The following KDM1B variants were observed in gnomAD, a reference collection of about 807,000 sequenced individuals.
The protein encoded by KDM1B is lysine-specific histone demethylase 2.
Under a neutral mutation model 107.4 loss-of-function variants are expected in KDM1B, and 63 were observed. That is an observed-to-expected ratio of 0.59 (90% confidence interval 0.48 to 0.72). KDM1B has a LOEUF of 0.72. KDM1B is among the 30% of genes least tolerant of loss of function. The pLI is 0.00. For missense variants in KDM1B, 749 were observed against 1,020.8 expected, an observed-to-expected ratio of 0.73 and a Z score of 3.63; for synonymous variants, 363 against 363.9, an observed-to-expected ratio of 1.00 and a Z score of 0.03.
intron 10 of KDM1B, among the ~76,000 whole-genome samples, chr6:18,193,876 C>CTT (rs1233091815): frequency 2.8e-5 from 4 of 140,748 alleles, no homozygotes; most frequent in East Asian, 2.1e-4. Context: ...AAGACAGTGT[C>CTT]TTTTTTTTTT....
intron 7 of KDM1B, among the ~76,000 whole-genome samples, chr6:18,184,744 T>A (rs1786731214): frequency 1.6e-5 from 2 of 128,154 alleles, no homozygotes; most frequent in Admixed American, 1.6e-4. Context: ...TCCTTTTTTT[T>A]TTTTTTTTTT....
chr6:18,180,650 C>T (rs1171782269), intron 7 of KDM1B, among the ~76,000 whole-genome samples: 1 of 152,192 alleles, frequency 6.6e-6, no homozygotes, highest in African/African-American at 2.4e-5. Context: ...ACTCCAGCCT[C>T]TGCCTCCCAG....
intron 21 of KDM1B, 58 bp from the exon 22 acceptor site, chr6:18,221,851 C>G (rs956269944): frequency 7.4e-7 from 1 of 1,357,500 alleles, no homozygotes; most frequent in Non-Finnish European, 1.0e-6. Flanking sequence ...CTTGTTTTAC[C>G]TTTTGATATC....
rs1252430727 is a variant in KDM1B at position 18,207,512 on chromosome 6, A to G, written c.1774A>G (p.Ile592Val). 1.2e-6 allele frequency: 2 copies of G among 1,614,204 alleles called. No individual in the cohort carries two copies. Among genetic ancestry groups the G allele is most frequent in the Admixed American group, 3.3e-5 (2 of 60,030 alleles). ...IIEKLAEGLD[I>V]QLKSPVQCID... Reference sequence around the variant, plus strand: ...TGAAAAACTGGCAGAAGGGCTTGACATTCAACTCAAATCTCCAGTGAGTAT... The same window carrying G: ...TGAAAAACTGGCAGAAGGGCTTGACGTTCAACTCAAATCTCCAGTGAGTAT... The change falls in exon 16 of 22, where the codon ATT becomes GTT. Residue 592 changes from isoleucine (I) to valine (V), a missense_variant. Transcript: ENST00000650836.
rs1262932922 is a variant in KDM1B, at chr6:18,213,657, T to C, written c.1985T>C (p.Ile662Thr). The change falls in exon 19 of 22, where the codon ATT (isoleucine) becomes ACT (threonine). Residue 662 changes from isoleucine (I) to threonine (T), a missense_variant and splice_region_variant. Transcript: ENST00000650836. The surrounding 1 kb of genome is among the most constrained non-coding windows in gnomAD (Gnocchi z 5.9). ...NSLGAGIIEK[I>T]ALQFPYRFWD... ...ACCTTTCTTCTGCTCACTTTGCAGA[T>C]TGCCTTGCAATTTCCGTATAGATTT... 6.2e-7 allele frequency: 1 copy of C among 1,614,102 alleles called. No homozygotes were observed. The highest frequency in any genetic ancestry group is 8.5e-7 in the Non-Finnish European group (1 of 1,180,000).
In KDM1B at chr6:18,211,977, G is replaced by A. The variant is rs1210205586; in HGVS notation, c.1867-511G>A. On this transcript the variant is annotated intron_variant, in intron 17 of 21. Coordinates refer to ENST00000650836, the MANE Select transcript of KDM1B (RefSeq NM_001364614.2). The surrounding 1 kb of genome is among the most constrained non-coding windows in gnomAD (Gnocchi z 5.2). Reference sequence around the variant, plus strand: ...TTTTTTTTTTTTTTGAGACAGTCTCGCTCTGTTGCCCAGGCTGGAGTGTAG... The same window carrying A: ...TTTTTTTTTTTTTTGAGACAGTCTCACTCTGTTGCCCAGGCTGGAGTGTAG... 4 of 146,088 alleles carry A rather than the reference G, an allele frequency of 2.7e-5. No individual in the cohort carries two copies. Among genetic ancestry groups the A allele is most frequent in the East Asian group, 2.0e-4 (1 of 5,076 alleles). The allele number at this position is 146,088 out of a possible 1,614,324, so 9.0% of individuals were successfully genotyped here. A position where few individuals can be genotyped will look rare whatever the true frequency, so the allele number is the denominator to read the frequency against.
chr6:18,161,851 C>T (rs1468050846), intron 4 of KDM1B, among the ~76,000 whole-genome samples: 1 of 152,110 alleles, frequency 6.6e-6, no homozygotes, highest in Non-Finnish European at 1.5e-5. Context: ...GCCACCTCTT[C>T]CCATACGCAC....
Position 18,166,393 on chromosome 6 carries a change from GCTCT to G in KDM1B, c.417+18_417+21del, listed in dbSNP as rs754784288. The G allele has an allele frequency of 4.9e-6, 7 of 1,433,266 alleles. No individual in the cohort carries two copies. The South Asian group carries it at 8.0e-5, about 16-fold the overall frequency. 88.8% of individuals were successfully genotyped at this position (1,433,266 alleles called of 1,614,324 possible). On this transcript the variant is annotated intron_variant, in intron 6 of 21. Transcript: ENST00000650836. The stretch of plus-strand genomic sequence containing the variant: ...TCCCCTACTGGGTAAGGAGAGTGAT[GCTCT>G]CTGTCTGTGAAGTATTTGTGGAGCC...
intron 20 of KDM1B, among the ~76,000 whole-genome samples, chr6:18,216,941 C>T (rs1217576011): frequency 6.6e-6 from 1 of 152,128 alleles, no homozygotes; most frequent in African/African-American, 2.4e-5. Context: ...ATATTCCTGG[C>T]GGGGAAGAGG....
At position 18,209,540 on chromosome 6, in the gene KDM1B, G is replaced by T. The variant is rs114021426; in HGVS notation, c.1866+1334G>T. On this transcript the variant is annotated intron_variant, in intron 17 of 21. Coordinates refer to ENST00000650836, the MANE Select transcript of KDM1B (RefSeq NM_001364614.2). The surrounding 1 kb of genome is among the most constrained non-coding windows in gnomAD (Gnocchi z 4.3). ...CGGGCTGCACGTCGGAACCACCTGG[G>T]AGGCGCTTACAAAGAAAGGCTGGAA... Among the ~76,000 whole-genome samples the T allele has an allele frequency of 8.0e-3, 1,212 of 152,292 alleles. 15 individuals are homozygous for T. The highest frequency in any genetic ancestry group is 0.028 in the African/African-American group (1,162 of 41,558).
rs372975254 is a variant in KDM1B, at chr6:18,164,818, G to A, written c.306-1449G>A. Among the ~76,000 whole-genome samples the A allele has an allele frequency of 4.6e-5, 7 of 152,170 alleles. No homozygotes were observed. The South Asian group carries it at 8.3e-4, about 18-fold the overall frequency. On this transcript the variant is annotated intron_variant, in intron 5 of 21. Transcript: ENST00000650836. Reference sequence around the variant, plus strand: ...GCGCCACCATGCCCAGCTAATTTTTGTATTTTTAGTAGAGGCTGGGTTTCC... The same window carrying A: ...GCGCCACCATGCCCAGCTAATTTTTATATTTTTAGTAGAGGCTGGGTTTCC...
chr6:18,220,008 C>G (rs1167452293), intron 21 of KDM1B, among the ~76,000 whole-genome samples: 1 of 152,186 alleles, frequency 6.6e-6, no homozygotes, highest in Non-Finnish European at 1.5e-5. Flanking sequence ...TCTTTATAGT[C>G]TTTAAGCCAA....
intron 7 of KDM1B, among the ~76,000 whole-genome samples, chr6:18,184,273 C>CTTCTTTTTT (rs1554144142): frequency 1.8e-4 from 21 of 116,632 alleles, no homozygotes; most frequent in Non-Finnish European, 3.1e-4. Context: ...GTTCTAGCTT[C>CTTCTTTTTT]TTTTTTTTTT....
intron 7 of KDM1B, among the ~76,000 whole-genome samples, chr6:18,182,317 A>C (rs549979906): frequency 2.7e-4 from 41 of 152,234 alleles, no homozygotes; most frequent in African/African-American, 9.1e-4. Flanking sequence ...GAACTTTTGA[A>C]ATATTAATTT....
rs1467390276 is a variant in KDM1B, at chr6:18,198,341, G to GT, written c.1221+690dup. Among the ~76,000 whole-genome samples the GT allele has an allele frequency of 4.7e-3, 698 of 149,464 alleles. 9 individuals are homozygous for GT. Among genetic ancestry groups the GT allele is most frequent in the Admixed American group, 0.023 (345 of 15,002 alleles). ...AAGTTTCTGAAATACTCAGTTCTAA[G>GT]TTTTTTTTTTAAATCTATTTATTTA... On this transcript the variant is annotated intron_variant, in intron 12 of 21. Coordinates refer to ENST00000650836, the MANE Select transcript of KDM1B (RefSeq NM_001364614.2).
In KDM1B at chr6:18,193,976, C is replaced by T. The variant is rs564354046; in HGVS notation, c.969+2595C>T. Among the ~76,000 whole-genome samples the T allele has an allele frequency of 5.3e-5, 8 of 152,058 alleles. No individual in the cohort carries two copies. In the East Asian group the frequency reaches 5.8e-4, roughly 11 times the overall value. On this transcript the variant is annotated intron_variant, in intron 10 of 21. Transcript: ENST00000650836. ...GCAATCTCCGCCTCCTGGGTTCAAG[C>T]GATTCTCCTGCCTCAGCCTCCTGAG...
chr6:18,166,693 T>A lies in KDM1B; in HGVS notation c.417+315T>A, dbSNP rs536344462. 2.4e-3 allele frequency among the ~76,000 whole-genome samples: 365 copies of A among 149,726 alleles called. 1 individual carries two copies. The highest frequency in any genetic ancestry group is 6.2e-3 in the African/African-American group (252 of 40,456). ...AAGACCCCATCTTTACAAAAAAAAA[T>A]TTTTTTTTTAAGTAGGCAAGAATGG... On this transcript the variant is annotated intron_variant, in intron 6 of 21. Transcript: ENST00000650836.
chr6:18,207,643 T>C, intron 16 of KDM1B, 114 bp downstream of exon 16: 2 of 1,299,958 alleles, frequency 1.5e-6, no homozygotes, highest in African/African-American at 1.5e-5. Context: ...AGCCAGGGTC[T>C]AGAAGTACTT....
intron 2 of KDM1B, among the ~76,000 whole-genome samples, chr6:18,157,542 A>G (rs1397493166): frequency 2.0e-5 from 3 of 152,150 alleles, no homozygotes; most frequent in African/African-American, 4.8e-5. Context: ...TTATGTTCCT[A>G]AACCACACAT....
Sources: gnomAD v4.1 joint callset for allele counts (sites outside exome capture counted in the v4.1 genomes callset) on GRCh38, gnomAD v4.1.1 for gene constraint, Gnocchi (gnomAD v3.1) non-coding constraint, MANE v1.5 for transcripts, NCBI Gene and HGNC (gene_info 2026-07-23, HGNC 2026-07-21) for gene names.